Variants in CNTNAP2 observed in about 807,000 individuals in gnomAD.
CNTNAP2 encodes the protein contactin associated protein 2.
Under a neutral mutation model 155.2 loss-of-function variants are expected in CNTNAP2, and 98 were observed. That is an observed-to-expected ratio of 0.63 (90% CI 0.54 to 0.75). CNTNAP2 has a LOEUF of 0.75. CNTNAP2 is among the 30% of genes least tolerant of loss of function. The pLI, the probability that CNTNAP2 is intolerant of heterozygous loss-of-function variation, is 0.00. For synonymous variants in CNTNAP2, 651 were observed against 631.2 expected (o/e 1.03, Z -0.47); for missense variants, 1,727 against 1,688.1 (o/e 1.02, Z -0.40).
intron 20 of CNTNAP2, among the ~76,000 whole-genome samples, chr7:148,247,644 TTTATTTATTTATTTATTTA>T (rs1796293155): frequency 1.4e-5 from 2 of 145,136 alleles, no homozygotes; most frequent in African/African-American, 5.3e-5. Flanking sequence ...TATTTATTTA[TTTATTTATTTATTTATTTA>T]TTTTTTTGGA....
chr7:147,933,780 T>C (rs1309266150), intron 14 of CNTNAP2, among the ~76,000 whole-genome samples: 1 of 152,064 alleles, frequency 6.6e-6, no homozygotes, highest in Non-Finnish European at 1.5e-5. Flanking sequence ...GGAGAATCGA[T>C]TGAATCCAGG....
chr7:148,406,420 A>G (rs1799706059), intron 22 of CNTNAP2, among the ~76,000 whole-genome samples: 1 of 152,164 alleles, frequency 6.6e-6, no homozygotes, highest in Non-Finnish European at 1.5e-5. Flanking sequence ...AATATGTCCA[A>G]TACAAAACTA....
intron 3 of CNTNAP2, among the ~76,000 whole-genome samples, chr7:146,883,858 GAATGTT>G (rs781717233): frequency 1.1e-4 from 16 of 151,952 alleles, no homozygotes; most frequent in Non-Finnish European, 1.8e-4. Context: ...ACATCAAAGA[GAATGTT>G]AATGTAAGTT....
chr7:147,901,824 A>T (rs1799873708), intron 13 of CNTNAP2, among the ~76,000 whole-genome samples: 1 of 152,174 alleles, frequency 6.6e-6, no homozygotes, highest in South Asian at 2.1e-4. Context: ...AATGTTTGGC[A>T]CATTGTGGGA....
chr7:146,973,919 C>T (rs1199057985), intron 3 of CNTNAP2, among the ~76,000 whole-genome samples: 2 of 152,108 alleles, frequency 1.3e-5, no homozygotes, highest in Non-Finnish European at 2.9e-5. Flanking sequence ...TGAGCTCAGG[C>T]CCCAGTCCTA....
At position 146,235,961 on chromosome 7, in the gene CNTNAP2, T is replaced by C. The variant is rs537009276; in HGVS notation, c.97+118988T>C. Among the ~76,000 whole-genome samples, 22 of 151,212 alleles carry C rather than the reference T, an allele frequency of 1.5e-4. No individual in the cohort carries two copies. The South Asian group carries it at 3.7e-3, about 26-fold the overall frequency. On this transcript the variant is annotated intron_variant, in intron 1 of 23. Coordinates refer to ENST00000361727, the MANE Select transcript of CNTNAP2 (RefSeq NM_014141.6). ...CATAGTACATATGGAAATGTGTGTG[T>C]GTGTGTGTGTGTGTGTGTGCGCGCG...
Position 148,313,792 on chromosome 7 carries a change from G to A in CNTNAP2, c.3475+46666G>A, listed in dbSNP as rs1470259541. Among the ~76,000 whole-genome samples, 5 of 152,154 alleles carry A rather than the reference G, an allele frequency of 3.3e-5. No individual in the cohort carries two copies. In the East Asian group the frequency reaches 9.6e-4, roughly 29 times the overall value. ...GATTGGGTAATAAAATGTATATTGAGAATAAGACGGCCTTTTGACCTTTTA... is the reference window on the plus strand; with the variant it reads ...GATTGGGTAATAAAATGTATATTGAAAATAAGACGGCCTTTTGACCTTTTA... On this transcript the variant is annotated intron_variant, in intron 21 of 23. Coordinates refer to ENST00000361727, the MANE Select transcript of CNTNAP2 (RefSeq NM_014141.6).
At chr7:146,409,324 C>T (rs528054122) in intron 1 of CNTNAP2, among the ~76,000 whole-genome samples, 1 of 152,238 alleles carries the variant, frequency 6.6e-6, no homozygotes, top group South Asian at 2.1e-4. Context: ...CACTTGAAAT[C>T]ACCTAAAAAC....
At chr7:147,371,491 C>T (rs906998453) in intron 9 of CNTNAP2, among the ~76,000 whole-genome samples, 1 of 152,130 alleles carries the variant, frequency 6.6e-6, no homozygotes, top group Non-Finnish European at 1.5e-5. Flanking sequence ...CAGAAGGAGA[C>T]CTTTAATTTT....
At chr7:148,165,636 A>AT (rs769309607) in intron 17 of CNTNAP2, among the ~76,000 whole-genome samples, 2 of 152,190 alleles carry the variant, frequency 1.3e-5, no homozygotes, top group Non-Finnish European at 2.9e-5. Context: ...AATGCCACAC[A>AT]TAAGGAGACT....
intron 13 of CNTNAP2, among the ~76,000 whole-genome samples, chr7:147,818,375 G>A (rs1798308380): frequency 6.6e-6 from 1 of 152,122 alleles, no homozygotes; most frequent in Admixed American, 6.5e-5. Context: ...TCCATAATTT[G>A]CAGAAGCTAA....
chr7:147,041,143 C>A (rs2129254183), intron 3 of CNTNAP2, among the ~76,000 whole-genome samples: 1 of 152,218 alleles, frequency 6.6e-6, no homozygotes, highest in African/African-American at 2.4e-5. Context: ...AACAACAATA[C>A]ATGCTATATT....
chr7:146,273,516 G>A (rs1379547806), intron 1 of CNTNAP2, among the ~76,000 whole-genome samples: 1 of 152,106 alleles, frequency 6.6e-6, no homozygotes, highest in Admixed American at 6.6e-5. Context: ...AAGAAATGGG[G>A]GTGGGTGTGT....
intron 1 of CNTNAP2, among the ~76,000 whole-genome samples, chr7:146,380,117 A>C (rs1469606712): frequency 1.3e-5 from 2 of 152,212 alleles, no homozygotes; most frequent in Admixed American, 6.5e-5. Context: ...AATGAAAATA[A>C]AAAATATTAA....
chr7:147,168,876 A>G (rs1166485002), intron 8 of CNTNAP2, among the ~76,000 whole-genome samples: 3 of 152,176 alleles, frequency 2.0e-5, no homozygotes, highest in Admixed American at 1.3e-4. Context: ...GGAAAAAGCA[A>G]AAGTATAGTC....
chr7:146,132,575 C>A (rs1303403565), intron 1 of CNTNAP2, among the ~76,000 whole-genome samples: 1 of 119,296 alleles, frequency 8.4e-6, no homozygotes, highest in Non-Finnish European at 1.7e-5. Context: ...CTCCCCCCAC[C>A]CCACAACAGT....
At chr7:146,748,819 G>T (rs1226312595) in intron 1 of CNTNAP2, among the ~76,000 whole-genome samples, 2 of 152,144 alleles carry the variant, frequency 1.3e-5, no homozygotes, top group African/African-American at 4.8e-5. Context: ...CAGACTAAAT[G>T]ACTTCTAAGA....
intron 9 of CNTNAP2, among the ~76,000 whole-genome samples, chr7:147,394,784 A>G (rs1796782284): frequency 6.8e-6 from 1 of 146,080 alleles, no homozygotes; most frequent in Non-Finnish European, 1.5e-5. Flanking sequence ...TGGGCATTCT[A>G]TTTCCTAATA....
At chr7:148,331,326 G>A (rs1197696260) in intron 21 of CNTNAP2, among the ~76,000 whole-genome samples, 5 of 151,084 alleles carry the variant, frequency 3.3e-5, no homozygotes, top group Non-Finnish European at 7.4e-5. Flanking sequence ...GCATGGAATG[G>A]ACGGATGGAA....
Sources: gnomAD v4.1 joint callset for allele counts (sites outside exome capture counted in the v4.1 genomes callset) on GRCh38, gnomAD v4.1.1 for gene constraint, MANE v1.5 for transcripts, NCBI Gene and HGNC (gene_info 2026-07-23, HGNC 2026-07-21) for gene names.